The following RABGAP1 variants were observed in gnomAD, a reference collection of about 807,000 sequenced individuals.
The protein encoded by RABGAP1 is RAB GTPase activating protein 1, also known as rab GTPase-activating protein 1.
Under a neutral mutation model 137.6 loss-of-function variants are expected in RABGAP1, and 23 were observed. The ratio of observed to expected loss-of-function variants is 0.17; its 90% CI spans 0.12 to 0.24. The LOEUF (loss-of-function observed/expected upper bound fraction) is 0.24. Ranked by LOEUF, RABGAP1 falls within the 10% of genes least tolerant of loss-of-function variation. The probability of loss-of-function intolerance (pLI) is 1.00; values close to 1 mark genes in which losing one functional copy is unlikely to be tolerated. For missense variants in RABGAP1, 906 were observed against 1,275.8 expected, an observed-to-expected ratio of 0.71 and a Z score of 4.42; for synonymous variants, 451 against 450.7, an observed-to-expected ratio of 1.00 and a Z score of -0.01.
intron 12 of RABGAP1, among the ~76,000 whole-genome samples, chr9:123,017,291 C>T (rs1444968977): frequency 6.6e-6 from 1 of 152,142 alleles, no homozygotes; most frequent in South Asian, 2.1e-4. Flanking sequence ...AACCCATCAG[C>T]ATCTTATACA....
intron 2 of RABGAP1, among the ~76,000 whole-genome samples, chr9:122,960,929 A>G (rs1029296926): frequency 8.5e-5 from 13 of 152,200 alleles, no homozygotes; most frequent in African/African-American, 3.1e-4. Flanking sequence ...TCAACTGGCA[A>G]AAGAAAGAGT....
intron 10 of RABGAP1, among the ~76,000 whole-genome samples, chr9:123,007,712 G>C (rs1648528257): frequency 1.3e-5 from 2 of 151,004 alleles, no homozygotes; most frequent in Admixed American, 1.3e-4. Flanking sequence ...CATCATGCCT[G>C]GCCACTGCTG....
At chr9:122,934,770 C>T in the RABGAP1 span, among the ~76,000 whole-genome samples, 70 of 152,294 alleles carry the variant, frequency 4.6e-4, no homozygotes, top group African/African-American at 1.7e-3. Context: ...CAGTCTCTGT[C>T]TCATGGGTTG....
intron 6 of RABGAP1, 129 bp from the exon 7 acceptor site, chr9:122,995,912 C>A: frequency 7.0e-7 from 1 of 1,426,770 alleles, no homozygotes; most frequent in Non-Finnish European, 9.1e-7. Context: ...TGATTTTTTT[C>A]TTTTTTGTTA....
At chr9:122,991,157 A>G (rs614666) in intron 6 of RABGAP1, among the ~76,000 whole-genome samples, 148,531 of 152,012 alleles carry the variant, frequency 0.98, 72,666 homozygotes, top group East Asian at 1. Flanking sequence ...CAGTGTCCCC[A>G]TTTCCAAGTT....
In RABGAP1 at chr9:123,103,602, T is replaced by C. The variant is rs1432283300; in HGVS notation, c.*389T>C. The C allele has an allele frequency of 1.6e-4, 9 of 56,958 alleles. No individual in the cohort carries two copies. Among genetic ancestry groups the C allele is most frequent in the African/African-American group, 8.2e-4 (4 of 4,876 alleles). 3.5% of individuals were successfully genotyped at this position (56,958 alleles called of 1,614,324 possible). A position where few individuals can be genotyped will look rare whatever the true frequency, so the allele number is the denominator to read the frequency against. ...TTTTTAATATACATATATATATATA[T>C]ATATATATATATATATATATATATA... On this transcript the variant is annotated 3_prime_UTR_variant, in exon 26 of 26. Coordinates refer to ENST00000373647, the MANE Select transcript of RABGAP1 (RefSeq NM_012197.4).
intron 13 of RABGAP1, chr9:123,034,587 T>G (rs1477493428): frequency 6.2e-7 from 1 of 1,606,724 alleles, no homozygotes; most frequent in East Asian, 2.2e-5. Context: ...CCTTGGATGG[T>G]AATCAGAGCA....
chr9:123,026,535 A>C (rs907338094), intron 13 of RABGAP1, among the ~76,000 whole-genome samples: 9 of 152,138 alleles, frequency 5.9e-5, no homozygotes, highest in African/African-American at 2.2e-4. Context: ...TTTATAGACC[A>C]AGCACCCCTG....
chr9:122,965,011 G>T (rs186790284), intron 2 of RABGAP1, among the ~76,000 whole-genome samples: 4 of 152,102 alleles, frequency 2.6e-5, no homozygotes, highest in Admixed American at 6.6e-5. Flanking sequence ...TAGAAAAAAA[G>T]ATTTCAAGAA....
chr9:122,936,994 C>G (rs1261908740), upstream of RABGAP1, among the ~76,000 whole-genome samples: 1 of 152,160 alleles, frequency 6.6e-6, no homozygotes, highest in African/African-American at 2.4e-5. Context: ...TTTTCAGATT[C>G]ACCACATTAT....
At chr9:123,031,671 G>A (rs1046200506) in intron 13 of RABGAP1, among the ~76,000 whole-genome samples, 2 of 152,186 alleles carry the variant, frequency 1.3e-5, no homozygotes, top group Admixed American at 1.3e-4. Flanking sequence ...GAGGGAGAGA[G>A]TGGTCAAGGT....
At chr9:122,950,078 A>G (rs570659212) in intron 1 of RABGAP1, among the ~76,000 whole-genome samples, 1 of 152,350 alleles carries the variant, frequency 6.6e-6, no homozygotes, top group African/African-American at 2.4e-5. Flanking sequence ...ATTTTCAGTC[A>G]GGAGCAATAA....
At chr9:122,934,930 G>T in the RABGAP1 span, among the ~76,000 whole-genome samples, 1 of 152,164 alleles carries the variant, frequency 6.6e-6, no homozygotes, top group Non-Finnish European at 1.5e-5. Flanking sequence ...CTTTAGATTG[G>T]AGAGTTTAAC....
chr9:123,086,349 T>C (rs1180261888), intron 19 of RABGAP1, among the ~76,000 whole-genome samples: 1 of 152,130 alleles, frequency 6.6e-6, no homozygotes, highest in Non-Finnish European at 1.5e-5. Context: ...CAGCAAGCAT[T>C]TCTGGGTACT....
intron 15 of RABGAP1, among the ~76,000 whole-genome samples, chr9:123,072,993 G>C (rs1024004552): frequency 4.6e-5 from 7 of 152,168 alleles, no homozygotes; most frequent in African/African-American, 1.4e-4. Flanking sequence ...AGTGAAGGAG[G>C]CTTTTGTAGT....
chr9:123,073,186 C>CAGA (rs2034410011), intron 15 of RABGAP1, among the ~76,000 whole-genome samples: 1 of 152,210 alleles, frequency 6.6e-6, no homozygotes, highest in Non-Finnish European at 1.5e-5. Flanking sequence ...CAGCCTATTT[C>CAGA]TGCTCAGCTC....
chr9:123,091,067 G>A (rs535616780), intron 21 of RABGAP1, among the ~76,000 whole-genome samples: 24 of 152,334 alleles, frequency 1.6e-4, no homozygotes, highest in African/African-American at 5.5e-4. Context: ...CTTAGCAAAA[G>A]CAGACATAGA....
intron 1 of RABGAP1, among the ~76,000 whole-genome samples, chr9:122,946,807 T>C (rs915759565): frequency 6.6e-6 from 1 of 152,186 alleles, no homozygotes; most frequent in Non-Finnish European, 1.5e-5. Flanking sequence ...GGTGTCAGCA[T>C]TATCACACTC....
rs567508024 is a variant in RABGAP1, at chr9:123,030,520, G to A, written c.1794+10061G>A. 6.2e-4 allele frequency among the ~76,000 whole-genome samples: 95 copies of A among 152,218 alleles called. 2 individuals carry two copies. The South Asian group carries it at 0.019, about 31-fold the overall frequency. On this transcript the variant is annotated intron_variant, in intron 13 of 25. Transcript: ENST00000373647. ...AGTAAATATAGAGAGAATATATCAT[G>A]AGACTGCATTATTTTATTTTTTATT...
Sources: gnomAD v4.1 joint callset for allele counts (sites outside exome capture counted in the v4.1 genomes callset) on GRCh38, gnomAD v4.1.1 for gene constraint, MANE v1.5 for transcripts, NCBI Gene and HGNC (gene_info 2026-07-23, HGNC 2026-07-21) for gene names.